MOB1B: variants seen among roughly 807,000 people sequenced by gnomAD.
The protein encoded by MOB1B is MOB kinase activator 1B.
MOB1B carries 19 observed loss-of-function variants against 24.4 expected under a neutral mutation model. That is an observed-to-expected ratio of 0.78 (90% CI 0.54 to 1.14). MOB1B has a LOEUF of 1.14. Among genes scored for constraint, MOB1B ranks in the 50% most tolerant of loss-of-function variants. MOB1B has a pLI of 0.00. For missense variants in MOB1B, 243 were observed against 259.6 expected, an observed-to-expected ratio of 0.94 and a Z score of 0.44; for synonymous variants, 76 against 82.1, an observed-to-expected ratio of 0.93 and a Z score of 0.40.
intron 1 of MOB1B, among the ~76,000 whole-genome samples, chr4:70,955,763 G>A (rs950781376): frequency 1.3e-5 from 2 of 151,654 alleles, no homozygotes; most frequent in South Asian, 2.1e-4. Context: ...GAGCCACTGC[G>A]CCCAGTGAAG....
intron 1 of MOB1B, among the ~76,000 whole-genome samples, chr4:70,919,145 C>G (rs966352043): frequency 6.0e-5 from 9 of 150,570 alleles, no homozygotes; most frequent in Admixed American, 2.7e-4. Flanking sequence ...ACATCACACT[C>G]TGGGGACTGT....
chr4:70,969,913 C>A lies in MOB1B; in HGVS notation c.182-18C>A. The A allele has an allele frequency of 4.8e-6, 7 of 1,451,990 alleles. No homozygotes were observed. The highest frequency in any genetic ancestry group is 6.7e-6 in the Non-Finnish European group (7 of 1,043,484). 89.9% of individuals were successfully genotyped at this position (1,451,990 alleles called of 1,614,324 possible). Reference sequence around the variant, plus strand: ...TTTAGCCATTCTGTTTTACTTACAACTGATACTTGCTTTACAGCTGTGGAT... The same window carrying A: ...TTTAGCCATTCTGTTTTACTTACAAATGATACTTGCTTTACAGCTGTGGAT... On this transcript the variant is annotated intron_variant, in intron 2 of 5. Transcript: ENST00000309395.
upstream of MOB1B, chr4:70,902,287 A>G (rs765598438): frequency 3.1e-4 from 181 of 588,234 alleles, no homozygotes; most frequent in Non-Finnish European, 5.0e-4. Context: ...GCTCGCGGAG[A>G]GCCTGCCCCG....
chr4:70,925,219 T>C (rs1736600802), intron 1 of MOB1B, among the ~76,000 whole-genome samples: 1 of 152,110 alleles, frequency 6.6e-6, no homozygotes, highest in African/African-American at 2.4e-5. Context: ...GTATTTTTAG[T>C]AGAGACGGGG....
At position 70,902,541 on chromosome 4, in the gene MOB1B, G is replaced by A. The variant is rs1304822460; in HGVS notation, c.5G>A (p.Ser2Asn). The A allele has an allele frequency of 1.2e-5, 18 of 1,564,530 alleles. No individual in the cohort carries two copies. Among genetic ancestry groups the A allele is most frequent in the Non-Finnish European group, 1.4e-5 (16 of 1,155,704 alleles). M[S>N]FLFGSRSSKT... The stretch of plus-strand genomic sequence containing the variant: ...GCAGCCTGCCCCGCGGCCAACATGA[G>A]CTTCTTGTTGTGAGTAGCCAGGCCC... The change falls in exon 1 of 6, where the codon AGC (serine) becomes AAC (asparagine). Residue 2 changes from serine (S) to asparagine (N), a missense_variant. Coordinates refer to ENST00000309395, the MANE Select transcript of MOB1B (RefSeq NM_173468.4).
Position 70,957,517 on chromosome 4 carries a change from T to C in MOB1B, c.15-1357T>C, listed in dbSNP as rs1738117584. Among the ~76,000 whole-genome samples, 4 of 151,970 alleles carry C rather than the reference T, an allele frequency of 2.6e-5. No individual in the cohort carries two copies. In the South Asian group the frequency reaches 8.3e-4, roughly 32 times the overall value. ...GGCATGATCATTGCTCACTGCAGTC[T>C]TGAACTCTTTGGGCTTAAGCTATCC... On this transcript the variant is annotated intron_variant, in intron 1 of 5. Coordinates refer to ENST00000309395, the MANE Select transcript of MOB1B (RefSeq NM_173468.4).
At chr4:70,921,119 C>G (rs1239691178) in intron 1 of MOB1B, among the ~76,000 whole-genome samples, 1 of 152,106 alleles carries the variant, frequency 6.6e-6, no homozygotes, top group Non-Finnish European at 1.5e-5. Flanking sequence ...GAAGCAAAAA[C>G]AAACAGGAAA....
intron 2 of MOB1B, among the ~76,000 whole-genome samples, chr4:70,969,368 C>T (rs1010454671): frequency 6.6e-6 from 1 of 152,130 alleles, no homozygotes; most frequent in East Asian, 1.9e-4. Context: ...TGGGCTCAAG[C>T]GATTCTCCAG....
At chr4:70,934,659 T>C (rs1737014473) in intron 1 of MOB1B, among the ~76,000 whole-genome samples, 1 of 152,038 alleles carries the variant, frequency 6.6e-6, no homozygotes, top group Non-Finnish European at 1.5e-5. Context: ...TTTCACCATG[T>C]TGGCCAGGCT....
intron 1 of MOB1B, among the ~76,000 whole-genome samples, chr4:70,907,060 C>G (rs1472508577): frequency 6.6e-6 from 1 of 152,140 alleles, no homozygotes; most frequent in African/African-American, 2.4e-5. Context: ...TGGGAGAGTA[C>G]AGTCAGAGGA....
At chr4:70,919,491 A>G (rs897539360) in intron 1 of MOB1B, among the ~76,000 whole-genome samples, 1 of 151,942 alleles carries the variant, frequency 6.6e-6, no homozygotes, top group Non-Finnish European at 1.5e-5. Context: ...TGTATGTAAG[A>G]CTGTTTCTTT....
rs574681070 is a variant in MOB1B at position 70,986,247 on chromosome 4, G to A, written c.*4190G>A. The A allele has an allele frequency of 4.6e-5, 7 of 152,220 alleles. No homozygotes were observed. The highest frequency in any genetic ancestry group is 4.6e-4 in the Admixed American group (7 of 15,302). 9.4% of individuals were successfully genotyped at this position (152,220 alleles called of 1,614,324 possible). On this transcript the variant is annotated 3_prime_UTR_variant, in exon 6 of 6. Transcript: ENST00000309395. ...ATATTTAAGATAGAAGTAGTTTAAG[G>A]AGACAACAGCCTTTACTGCCATTTT...
intron 1 of MOB1B, among the ~76,000 whole-genome samples, chr4:70,940,462 G>A (rs1281835440): frequency 6.6e-6 from 1 of 152,100 alleles, no homozygotes; most frequent in Non-Finnish European, 1.5e-5. Context: ...GAACTGCAAG[G>A]AATATCTGTT....
chr4:70,975,069 A>C (rs1738924333), intron 3 of MOB1B, 84 bp from the exon 4 acceptor site: 1 of 1,008,618 alleles, frequency 9.9e-7, no homozygotes, highest in African/African-American at 1.7e-5. Context: ...CTGTGTGTAC[A>C]TTAGTAATAT....
intron 1 of MOB1B, among the ~76,000 whole-genome samples, chr4:70,932,753 T>C (rs1018900466): frequency 6.6e-6 from 1 of 152,196 alleles, no homozygotes; most frequent in African/African-American, 2.4e-5. Context: ...TTAGGGGCCA[T>C]TGGTATATCA....
At chr4:70,910,877 C>T (rs963667987) in intron 1 of MOB1B, among the ~76,000 whole-genome samples, 5 of 152,014 alleles carry the variant, frequency 3.3e-5, no homozygotes, top group Admixed American at 1.3e-4. Context: ...CAACCTCCGC[C>T]TCCTGGATTC....
At chr4:70,953,342 A>C (rs1737890865) in intron 1 of MOB1B, among the ~76,000 whole-genome samples, 1 of 152,320 alleles carries the variant, frequency 6.6e-6, no homozygotes, top group African/African-American at 2.4e-5. Flanking sequence ...CAGCTGAAGG[A>C]GAAAACCTAA....
At chr4:70,953,741 C>T (rs960167482) in intron 1 of MOB1B, among the ~76,000 whole-genome samples, 3 of 152,034 alleles carry the variant, frequency 2.0e-5, no homozygotes, top group South Asian at 4.2e-4. Flanking sequence ...TTCAGGAGTT[C>T]GAGACTAGCC....
intron 3 of MOB1B, among the ~76,000 whole-genome samples, chr4:70,973,469 CAA>C (rs528813623): frequency 0.047 from 2,320 of 49,418 alleles, 43 homozygotes; most frequent in African/African-American, 0.12. Context: ...GACCCTGTCT[CAA>C]AAAAAAAAAA....
Sources: gnomAD v4.1 joint callset for allele counts (sites outside exome capture counted in the v4.1 genomes callset) on GRCh38, gnomAD v4.1.1 for gene constraint, MANE v1.5 for transcripts, NCBI Gene and HGNC (gene_info 2026-07-23, HGNC 2026-07-21) for gene names.